The following F9 variants were observed in gnomAD, a reference collection of about 807,000 sequenced individuals.
F9 encodes the protein coagulation factor IX, also known as Christmas factor.
In F9, 2 loss-of-function variants were observed where a neutral mutation model predicts 34.1. That is an observed-to-expected ratio of 0.06 (90% CI 0.02 to 0.18). The LOEUF is 0.18. Among genes scored for constraint, F9 ranks in the 10% least tolerant of loss-of-function variants. The pLI, the probability that F9 is intolerant of heterozygous loss-of-function variation, is 1.00. For missense variants in F9, 216 were observed against 345.1 expected, an observed-to-expected ratio of 0.63 and a Z score of 2.96; for synonymous variants, 137 against 118.8, an observed-to-expected ratio of 1.15 and a Z score of -1.00.
At chrX:139,558,548 A>G (rs1928022969) in intron 6 of F9, among the ~76,000 whole-genome samples, 1 of 113,010 alleles carries the variant, frequency 8.8e-6, no homozygotes, top group Admixed American at 9.3e-5. Flanking sequence ...ATGTAACAAG[A>G]TGGGTTGCAA....
intron 6 of F9, among the ~76,000 whole-genome samples, chrX:139,557,785 G>A (rs952955810): frequency 2.7e-5 from 3 of 112,943 alleles, no homozygotes; most frequent in South Asian, 3.6e-4. Flanking sequence ...TATGACCGGC[G>A]TACTTACGCA....
intron 4 of F9, among the ~76,000 whole-genome samples, chrX:139,541,545 C>T (rs1009139928): frequency 8.9e-6 from 1 of 111,894 alleles, no homozygotes; most frequent in Admixed American, 9.5e-5. Flanking sequence ...AGGACTTAAA[C>T]TTCAGTGTGA....
chrX:139,549,565 A>G (rs1014534736), intron 5 of F9, among the ~76,000 whole-genome samples: 17 of 112,553 alleles, frequency 1.5e-4, no homozygotes, highest in African/African-American at 5.5e-4. Flanking sequence ...TCCTTATGGG[A>G]AATAAAGGGA....
At chrX:139,530,985 AG>A in intron 1 of F9, 133 bp downstream of exon 1, 1 of 556,264 alleles carries the variant, frequency 1.8e-6, no homozygotes, top group Admixed American at 2.6e-5. Flanking sequence ...GCCAGCACGC[AG>A]GTTGGTAAGT....
At chrX:139,540,534 C>T (rs560402908) in intron 3 of F9, among the ~76,000 whole-genome samples, 151 of 111,806 alleles carry the variant, frequency 1.4e-3, no homozygotes, top group African/African-American at 4.8e-3. Flanking sequence ...ACCATTACTG[C>T]ATATGATACA....
At chrX:139,543,515 T>C (rs951244618) in intron 4 of F9, among the ~76,000 whole-genome samples, 5 of 112,372 alleles carry the variant, frequency 4.4e-5, no homozygotes, top group African/African-American at 1.3e-4. Context: ...ACTGTCTTAT[T>C]TACTACGTAT....
chrX:139,561,418 A>G, intron 7 of F9, 106 bp from the exon 8 acceptor site: 1 of 695,102 alleles, frequency 1.4e-6, no homozygotes, highest in Non-Finnish European at 2.2e-6. Context: ...TATAAGAATG[A>G]GATCTTTAAC....
chrX:139,559,609 G>A (rs901841697), intron 6 of F9, among the ~76,000 whole-genome samples: 15 of 111,418 alleles, frequency 1.3e-4, no homozygotes, highest in Admixed American at 2.8e-4. Flanking sequence ...TAGGTCTCCA[G>A]GTAGGAGGCT....
intron 1 of F9, among the ~76,000 whole-genome samples, chrX:139,533,220 T>TGAGG (rs1345251579): frequency 2.7e-5 from 3 of 112,185 alleles, no homozygotes; most frequent in Non-Finnish European, 5.6e-5. Flanking sequence ...TTGGGGACTT[T>TGAGG]GTGTTTGATG....
intron 4 of F9, among the ~76,000 whole-genome samples, chrX:139,542,656 T>C (rs1316723128): frequency 8.9e-6 from 1 of 111,922 alleles, no homozygotes; most frequent in Non-Finnish European, 1.9e-5. Context: ...ATTGAAAACA[T>C]AAATATCTTT....
Position 139,548,265 on chromosome X carries a change from C to T in F9, c.392-98C>T. Reference sequence around the variant, plus strand: ...TATATTGGGGGCAACATGAATGCCCCCAATGTATATTTGACCCATACATGA... The same window carrying T: ...TATATTGGGGGCAACATGAATGCCCTCAATGTATATTTGACCCATACATGA... On this transcript the variant is annotated intron_variant, in intron 4 of 7. Transcript: ENST00000218099. 5.2e-6 allele frequency: 5 copies of T among 959,175 alleles called. No individual in the cohort carries two copies. In the South Asian group the frequency reaches 1.0e-4, roughly 20 times the overall value. 79.0% of individuals were successfully genotyped at this position (959,175 alleles called of 1,213,427 possible).
At chrX:139,554,011 CA>C (rs1249648785) in intron 6 of F9, among the ~76,000 whole-genome samples, 1 of 109,542 alleles carries the variant, frequency 9.1e-6, no homozygotes, top group Non-Finnish European at 1.9e-5. Context: ...CCCTTTAAAC[CA>C]GATGTTTGCC....
chrX:139,532,661 C>T (rs889656227), intron 1 of F9, among the ~76,000 whole-genome samples: 1 of 111,540 alleles, frequency 9.0e-6, no homozygotes, highest in Non-Finnish European at 1.9e-5. Context: ...GAAAGGAACA[C>T]ATTAAATGGG....
At chrX:139,551,800 C>G (rs1198695807) in intron 6 of F9, among the ~76,000 whole-genome samples, 1 of 111,013 alleles carries the variant, frequency 9.0e-6, no homozygotes, top group East Asian at 2.8e-4. Context: ...AATTCTCCTG[C>G]TCTACACTAG....
At chrX:139,536,182 T>C (rs773956287) in intron 1 of F9, among the ~76,000 whole-genome samples, 2 of 105,375 alleles carry the variant, frequency 1.9e-5, no homozygotes, top group African/African-American at 6.8e-5. Context: ...TATACATATA[T>C]ATGTGTACAT....
chrX:139,542,940 A>C (rs1302788697), intron 4 of F9, among the ~76,000 whole-genome samples: 1 of 111,376 alleles, frequency 9.0e-6, no homozygotes, highest in Non-Finnish European at 1.9e-5. Flanking sequence ...GGTTTAGAAA[A>C]ATATTTTCAG....
chrX:139,563,229 T>C lies in F9; in HGVS notation c.*1158T>C, dbSNP rs1038412325. 1.8e-5 allele frequency: 2 copies of C among 110,700 alleles called. No individual in the cohort carries two copies. The highest frequency in any genetic ancestry group is 1.9e-5 in the Non-Finnish European group (1 of 52,962). The allele number at this position is 110,700 out of a possible 1,213,427, so 9.1% of individuals were successfully genotyped here. On this transcript the variant is annotated 3_prime_UTR_variant, in exon 8 of 8. Coordinates refer to ENST00000218099, the MANE Select transcript of F9 (RefSeq NM_000133.4). ...TTGAAGTTGCCTAGACCAGAGGACATAAGTATCATGTCTCCTTTAACTAGC... is the reference window on the plus strand; with the variant it reads ...TTGAAGTTGCCTAGACCAGAGGACACAAGTATCATGTCTCCTTTAACTAGC...
chrX:139,548,700 T>G (rs946191415), intron 5 of F9, among the ~76,000 whole-genome samples: 1 of 112,270 alleles, frequency 8.9e-6, no homozygotes, highest in African/African-American at 3.2e-5. Flanking sequence ...GAATTCTTTC[T>G]GTGTCCAATT....
At position 139,550,840 on chromosome X, in the gene F9, G is replaced by A. The variant is rs1283205849; in HGVS notation, c.521-222G>A. ...TATTTCCGTAAAGATGATGAATTCC[G>A]GAGCCAAATGTTCTTTTCATGAAGG... On this transcript the variant is annotated intron_variant, in intron 5 of 7. Transcript: ENST00000218099. Among the ~76,000 whole-genome samples the A allele has an allele frequency of 1.8e-5, 2 of 111,492 alleles. 1 individual carries two copies. Among genetic ancestry groups the A allele is most frequent in the African/African-American group, 6.5e-5 (2 of 30,596 alleles).
Sources: gnomAD v4.1 joint callset for allele counts (sites outside exome capture counted in the v4.1 genomes callset) on GRCh38, gnomAD v4.1.1 for gene constraint, MANE v1.5 for transcripts, NCBI Gene and HGNC (gene_info 2026-07-23, HGNC 2026-07-21) for gene names.